The following IQGAP2 variants were observed in gnomAD, a reference collection of about 807,000 sequenced individuals.
IQGAP2 encodes ras GTPase-activating-like protein IQGAP2.
Under a neutral mutation model 201.3 loss-of-function variants are expected in IQGAP2, and 173 were observed. That is an observed-to-expected ratio of 0.86 (90% CI 0.76 to 0.98). The LOEUF (loss-of-function observed/expected upper bound fraction) is 0.98, where lower values mean the gene tolerates loss of function less well. IQGAP2 is among the 50% of genes least tolerant of loss of function. IQGAP2 has a pLI of 0.00. For missense variants in IQGAP2, 1,687 were observed against 1,864.8 expected (o/e 0.90, Z 1.76); for synonymous variants, 675 against 673.9 (o/e 1.00, Z -0.03).
Position 76,613,135 on chromosome 5 carries a change from G to A in IQGAP2, c.1521+1952G>A, listed in dbSNP as rs117874275. 4.3e-3 allele frequency among the ~76,000 whole-genome samples: 649 copies of A among 152,322 alleles called. 4 individuals carry two copies. The highest frequency in any genetic ancestry group is 6.4e-3 in the East Asian group (33 of 5,182). ...AAGCCTCATACCACCTGTGGAATGG[G>A]TGCTGTCTCATCTGATGTGAACGAG... On this transcript the variant is annotated intron_variant, in intron 13 of 35. Coordinates refer to ENST00000274364, the MANE Select transcript of IQGAP2 (RefSeq NM_006633.5).
At chr5:76,457,933 C>T (rs1464871150) in intron 1 of IQGAP2, among the ~76,000 whole-genome samples, 2 of 152,200 alleles carry the variant, frequency 1.3e-5, no homozygotes, top group South Asian at 2.1e-4. Context: ...ACAATGTCCT[C>T]ATGTTTTTTG....
chr5:76,632,464 G>A (rs1372507061), intron 15 of IQGAP2, among the ~76,000 whole-genome samples: 1 of 152,134 alleles, frequency 6.6e-6, no homozygotes, highest in Non-Finnish European at 1.5e-5. Context: ...GGCAAAGCTA[G>A]GCAACTAGTT....
intron 1 of IQGAP2, among the ~76,000 whole-genome samples, chr5:76,420,024 C>G (rs1050235999): frequency 1.3e-5 from 2 of 152,176 alleles, no homozygotes; most frequent in African/African-American, 4.8e-5. Context: ...TCAAGGCCTT[C>G]CCCAGCCTGG....
chr5:76,694,588 A>G (rs1054926802), intron 31 of IQGAP2, among the ~76,000 whole-genome samples: 6 of 152,214 alleles, frequency 3.9e-5, no homozygotes, highest in Non-Finnish European at 4.4e-5. Context: ...GATTAAGTCA[A>G]TTAAACATGT....
At chr5:76,511,732 G>C (rs1233538272) in intron 2 of IQGAP2, among the ~76,000 whole-genome samples, 2 of 151,562 alleles carry the variant, frequency 1.3e-5, no homozygotes, top group African/African-American at 4.8e-5. Context: ...CCAGGCTGGA[G>C]TGCAGTGGCG....
At chr5:76,603,137 G>T (rs2150326110) in intron 11 of IQGAP2, among the ~76,000 whole-genome samples, 1 of 152,266 alleles carries the variant, frequency 6.6e-6, no homozygotes, top group South Asian at 2.1e-4. Flanking sequence ...CGTATTTTGT[G>T]CTTTAGCCAA....
intron 2 of IQGAP2, among the ~76,000 whole-genome samples, chr5:76,539,623 C>G: frequency 6.6e-6 from 1 of 152,158 alleles, no homozygotes. Flanking sequence ...GCACTAGAAC[C>G]TTGCCCTCCC....
chr5:76,623,065 G>T, intron 13 of IQGAP2: 3 of 1,032,356 alleles, frequency 2.9e-6, no homozygotes, highest in Non-Finnish European at 4.5e-6. Context: ...TGCCTTTGGG[G>T]TTTACAGTTT....
chr5:76,420,397 ACAG>A (rs1313758388), intron 1 of IQGAP2, among the ~76,000 whole-genome samples: 7 of 140,018 alleles, frequency 5.0e-5, no homozygotes, highest in African/African-American at 1.9e-4. Context: ...TTTTTTTGAG[ACAG>A]AGTCTCACAC....
chr5:76,673,450 A>C lies in IQGAP2; in HGVS notation c.3070A>C (p.Lys1024Gln), dbSNP rs1325196784. The change falls in exon 25 of 36, where the codon AAG becomes CAG. Residue 1024 changes from lysine (K) to glutamine (Q), a missense_variant and splice_region_variant. By Grantham distance (53) the Lys-to-Gln change is moderately conservative. Transcript: ENST00000274364. The stretch of plus-strand genomic sequence containing the variant: ...AATTTAAAGCCTTTGTGTTTTCAGC[A>C]AGTTGCCTTATGATGTGACCACAGA... The part of the protein sequence containing the change: ...QLETQTGEAS[K>Q]LPYDVTTEQA... 9 of 1,611,164 alleles carry C rather than the reference A, an allele frequency of 5.6e-6. No homozygotes were observed. The highest frequency in any genetic ancestry group is 6.8e-6 in the Non-Finnish European group (8 of 1,179,050).
At chr5:76,491,036 T>G (rs1037053598) in intron 2 of IQGAP2, among the ~76,000 whole-genome samples, 1 of 151,816 alleles carries the variant, frequency 6.6e-6, no homozygotes, top group Non-Finnish European at 1.5e-5. Context: ...GCTGGAAACT[T>G]TCATGGCATT....
intron 17 of IQGAP2, among the ~76,000 whole-genome samples, chr5:76,652,011 A>G (rs461187): frequency 0.49 from 73,708 of 151,456 alleles, 18,419 homozygotes; most frequent in Non-Finnish European, 0.56. Flanking sequence ...TTTGAAAAAC[A>G]GTATCAGAAT....
intron 16 of IQGAP2, 148 bp from the exon 17 acceptor site, chr5:76,640,785 A>T: frequency 1.8e-6 from 1 of 544,480 alleles, no homozygotes; most frequent in South Asian, 3.6e-5. Context: ...AGCCAGTTTC[A>T]TCCCTCAGCT....
chr5:76,589,255 T>C (rs1188241353), intron 6 of IQGAP2, among the ~76,000 whole-genome samples: 1 of 144,610 alleles, frequency 6.9e-6, no homozygotes, highest in Non-Finnish European at 1.5e-5. Flanking sequence ...GAGCTTGCAG[T>C]GAGCTGAGAT....
At chr5:76,556,427 G>C (rs896136292) in intron 2 of IQGAP2, among the ~76,000 whole-genome samples, 1 of 152,140 alleles carries the variant, frequency 6.6e-6, no homozygotes, top group Non-Finnish European at 1.5e-5. Flanking sequence ...CTTGCTGGCT[G>C]CTCTTTGATA....
intron 2 of IQGAP2, among the ~76,000 whole-genome samples, chr5:76,529,712 A>G (rs1032109655): frequency 6.6e-6 from 1 of 151,138 alleles, no homozygotes; most frequent in Non-Finnish European, 1.5e-5. Flanking sequence ...TGTGAAATTC[A>G]TAAGACTTGA....
intron 7 of IQGAP2, 46 bp downstream of exon 7, chr5:76,589,774 C>T (rs1235910105): frequency 6.2e-6 from 6 of 968,088 alleles, no homozygotes; most frequent in Non-Finnish European, 9.2e-6. Context: ...TGAGACTTAC[C>T]TGTACTTTAC....
intron 17 of IQGAP2, among the ~76,000 whole-genome samples, chr5:76,651,130 C>G (rs1752486442): frequency 2.0e-5 from 3 of 152,054 alleles, no homozygotes; most frequent in African/African-American, 2.4e-5. Flanking sequence ...AGAATTTTCC[C>G]AAAATTACTC....
At chr5:76,606,626 T>TA (rs1384766265) in intron 12 of IQGAP2, 2 of 164,668 alleles carry the variant, frequency 1.2e-5, no homozygotes, top group Non-Finnish European at 2.6e-5. Flanking sequence ...CACCCAATTT[T>TA]ATTTTGACCT....
Sources: allele counts gnomAD v4.1 joint callset (sites outside exome capture counted in the v4.1 genomes callset), GRCh38; gene constraint gnomAD v4.1.1; transcripts MANE v1.5; gene names NCBI Gene and HGNC (gene_info 2026-07-23, HGNC 2026-07-21).